Variants in HOATZ observed in about 807,000 individuals in gnomAD.
The protein encoded by HOATZ is cilia- and flagella-associated protein HOATZ.
Under a neutral mutation model 24.9 loss-of-function variants are expected in HOATZ, and 26 were observed. The ratio of observed to expected loss-of-function variants is 1.04; its 90% CI spans 0.76 to 1.45. The LOEUF (loss-of-function observed/expected upper bound fraction) is 1.45. Ranked by LOEUF, HOATZ falls within the 40% of genes most tolerant of loss-of-function variation. The probability of loss-of-function intolerance (pLI) is 0.00; values close to 1 mark genes in which losing one functional copy is unlikely to be tolerated. For missense variants in HOATZ, 226 were observed against 201.5 expected (o/e 1.12, Z -0.74); for synonymous variants, 83 against 76.6 (o/e 1.08, Z -0.43).
intron 5 of HOATZ, chr11:111,535,044 T>A (rs1867435362): frequency 1.3e-5 from 2 of 152,200 alleles, no homozygotes; most frequent in Non-Finnish European, 2.9e-5. Flanking sequence ...TTTTGTATTA[T>A]GACTAAAAAC....
At chr11:111,518,048 G>A (rs1039064120) in intron 3 of HOATZ, among the ~76,000 whole-genome samples, 8 of 152,118 alleles carry the variant, frequency 5.3e-5, no homozygotes, top group Non-Finnish European at 7.4e-5. Flanking sequence ...AACCATGCAG[G>A]CCAAGGAACA....
In HOATZ at chr11:111,516,085, A is replaced by T. The variant is rs763649488; in HGVS notation, c.314A>T (p.Glu105Val). 21 of 1,599,166 alleles carry T rather than the reference A, an allele frequency of 1.3e-5. No individual in the cohort carries two copies. Among genetic ancestry groups the T allele is most frequent in the Non-Finnish European group, 1.6e-5 (19 of 1,171,338 alleles). The change falls in exon 3 of 6, where the codon GAG becomes GTG. Residue 105 changes from glutamate (E) to valine (V), a missense_variant. Glu to Val is a moderately radical substitution (Grantham distance 121). Transcript: ENST00000375618. ...GAAGCCCTAAAGATACAGGAATCTGAGGAGAAAGTAAAGTATCTCCAAAAG... is the reference window on the plus strand; with the variant it reads ...GAAGCCCTAAAGATACAGGAATCTGTGGAGAAAGTAAAGTATCTCCAAAAG... ...FAEALKIQES[E>V]EKVKYLQKAK...
chr11:111,530,762 T>TTA (rs1473163666), intron 3 of HOATZ, among the ~76,000 whole-genome samples: 5 of 152,168 alleles, frequency 3.3e-5, no homozygotes, highest in Admixed American at 6.5e-5. Flanking sequence ...TTATGCTTCC[T>TTA]TACTAATAAT....
Position 111,515,492 on chromosome 11 carries a change from T to A in HOATZ, c.227-19T>A, listed in dbSNP as rs1867179131. 1 of 1,607,844 alleles carries A rather than the reference T, an allele frequency of 6.2e-7. No individual in the cohort carries two copies. The highest frequency in any genetic ancestry group is 8.5e-7 in the Non-Finnish European group (1 of 1,174,484). ...TGACTTTTCCAATGATTTCTTTACT[T>A]CCCTTTTGTATTTTTTAGAAAACAG... On this transcript the variant is annotated intron_variant, in intron 1 of 5. Coordinates refer to ENST00000375618, the MANE Select transcript of HOATZ (RefSeq NM_001100388.2).
At chr11:111,530,938 T>A (rs1431336210) in intron 3 of HOATZ, among the ~76,000 whole-genome samples, 2 of 152,196 alleles carry the variant, frequency 1.3e-5, no homozygotes, top group African/African-American at 4.8e-5. Context: ...CAGATCATAT[T>A]TGAAATATTT....
intron 3 of HOATZ, among the ~76,000 whole-genome samples, chr11:111,526,249 G>A (rs1867337905): frequency 6.6e-6 from 1 of 152,190 alleles, no homozygotes; most frequent in South Asian, 2.1e-4. Context: ...GCTACTGAAG[G>A]GTTTAAATTG....
At chr11:111,529,298 C>T (rs535142541) in intron 3 of HOATZ, among the ~76,000 whole-genome samples, 20 of 152,274 alleles carry the variant, frequency 1.3e-4, no homozygotes, top group South Asian at 2.1e-4. Context: ...GTATCCACAT[C>T]CTGATTAAAA....
chr11:111,526,135 GT>G (rs150083138), intron 3 of HOATZ, among the ~76,000 whole-genome samples: 5,524 of 152,254 alleles, frequency 0.036, 344 homozygotes, highest in African/African-American at 0.12. Flanking sequence ...AAAACAGCAT[GT>G]GCAAAGACCC....
At chr11:111,535,544 T>C (rs1197226302) in intron 5 of HOATZ, 1 of 152,258 alleles carries the variant, frequency 6.6e-6, no homozygotes, top group Admixed American at 6.5e-5. Flanking sequence ...ATTCTCTTAA[T>C]AATTTAAATG....
At chr11:111,524,966 GATTCTCCCACCTC>G (rs1867319300) in intron 3 of HOATZ, 1 of 420,040 alleles carries the variant, frequency 2.4e-6, no homozygotes, top group African/African-American at 2.1e-5. Context: ...GGATTCAGGT[GATTCTCCCACCTC>G]AGCCTCAGCC....
chr11:111,529,351 A>G (rs1428286761), intron 3 of HOATZ, among the ~76,000 whole-genome samples: 2 of 151,974 alleles, frequency 1.3e-5, no homozygotes, highest in East Asian at 1.9e-4. Context: ...TGAGACTCAT[A>G]TTATTTTCTC....
chr11:111,530,170 T>G (rs932734809), intron 3 of HOATZ, among the ~76,000 whole-genome samples: 13 of 152,236 alleles, frequency 8.5e-5, no homozygotes, highest in Non-Finnish European at 1.0e-4. Context: ...CACAACAACC[T>G]TCCTCACAGA....
intron 3 of HOATZ, among the ~76,000 whole-genome samples, chr11:111,517,606 C>T (rs903928247): frequency 6.6e-6 from 1 of 152,074 alleles, no homozygotes; most frequent in Non-Finnish European, 1.5e-5. Context: ...GATGTGATCC[C>T]TTATCTCAAG....
intron 3 of HOATZ, among the ~76,000 whole-genome samples, chr11:111,523,195 T>G (rs1867290049): frequency 6.7e-6 from 1 of 148,182 alleles, no homozygotes. Context: ...CATTTCATGC[T>G]AAGTGTTCAC....
chr11:111,532,800 T>G (rs1867408087), intron 3 of HOATZ, among the ~76,000 whole-genome samples: 1 of 152,234 alleles, frequency 6.6e-6, no homozygotes. Flanking sequence ...ACTTCTTATT[T>G]CTTTCTTGCA....
Position 111,515,594 on chromosome 11 carries a change from G to T in HOATZ, c.268+42G>T. ...ATGCCTTTCAACATTCTGACTCCTA[G>T]GTTCATCAGAAAATAGACAATAAGT... On this transcript the variant is annotated intron_variant, in intron 2 of 5. Coordinates refer to ENST00000375618, the MANE Select transcript of HOATZ (RefSeq NM_001100388.2). 4 of 1,520,880 alleles carry T rather than the reference G, an allele frequency of 2.6e-6. No homozygotes were observed. In the South Asian group the frequency reaches 4.5e-5, roughly 17 times the overall value. 94.2% of individuals were successfully genotyped at this position (1,520,880 alleles called of 1,614,324 possible). A position where few individuals can be genotyped will look rare whatever the true frequency, so the allele number is the denominator to read the frequency against.
intron 3 of HOATZ, among the ~76,000 whole-genome samples, chr11:111,521,601 G>A (rs1190266244): frequency 2.0e-5 from 3 of 152,136 alleles, no homozygotes; most frequent in African/African-American, 7.2e-5. Flanking sequence ...ATAGGAAGTG[G>A]TGGATTTCCC....
At chr11:111,521,576 A>G (rs1867269334) in intron 3 of HOATZ, among the ~76,000 whole-genome samples, 1 of 152,304 alleles carries the variant, frequency 6.6e-6, no homozygotes, top group Admixed American at 6.5e-5. Context: ...CCTTTCCTCC[A>G]TAAAAGGAAT....
intron 3 of HOATZ, among the ~76,000 whole-genome samples, chr11:111,525,523 A>G (rs1833452081): frequency 6.6e-6 from 1 of 152,218 alleles, no homozygotes; most frequent in African/African-American, 2.4e-5. Context: ...CATGGAGCCA[A>G]GCTGAACTCT....
Sources: gnomAD v4.1 joint callset for allele counts (sites outside exome capture counted in the v4.1 genomes callset) on GRCh38, gnomAD v4.1.1 for gene constraint, MANE v1.5 for transcripts, NCBI Gene and HGNC (gene_info 2026-07-23, HGNC 2026-07-21) for gene names.